BNC2: variants seen among roughly 807,000 people sequenced by gnomAD.
BNC2 encodes zinc finger protein basonuclin-2.
A neutral mutation model predicts 76.3 loss-of-function variants in BNC2; 20 were observed. The ratio of observed to expected loss-of-function variants is 0.26; its 90% CI spans 0.18 to 0.38. The LOEUF is 0.38. Among genes scored for constraint, BNC2 ranks in the 10% least tolerant of loss-of-function variants. BNC2 has a pLI of 1.00. For missense variants in BNC2, 1,382 were observed against 1,399.8 expected, an observed-to-expected ratio of 0.99 and a Z score of 0.20; for synonymous variants, 582 against 514.8, an observed-to-expected ratio of 1.13 and a Z score of -1.77.
chr9:16,494,820 G>A (rs1822352763), intron 5 of BNC2, among the ~76,000 whole-genome samples: 1 of 152,098 alleles, frequency 6.6e-6, no homozygotes, highest in Non-Finnish European at 1.5e-5. Context: ...TCACACAGCA[G>A]GGCCTGTTGT....
intron 1 of BNC2, among the ~76,000 whole-genome samples, chr9:16,816,824 T>C (rs1021988683): frequency 1.3e-5 from 2 of 152,294 alleles, no homozygotes; most frequent in South Asian, 2.1e-4. Context: ...GCACTTTTCT[T>C]ATCCTATAAT....
intron 3 of BNC2, among the ~76,000 whole-genome samples, chr9:16,715,596 C>T (rs1405761016): frequency 6.6e-6 from 1 of 152,322 alleles, no homozygotes. Context: ...GGAGATTTCA[C>T]ATAAAAATCT....
intron 4 of BNC2, chr9:16,580,279 G>T (rs1819597409): frequency 2.5e-6 from 1 of 397,430 alleles, no homozygotes; most frequent in African/African-American, 2.1e-5. Context: ...CATGAATGGG[G>T]AGAGTGTGGG....
At position 16,731,297 on chromosome 9, in the gene BNC2, G is replaced by A. The variant is rs571838367; in HGVS notation, c.130-3300C>T. Among the ~76,000 whole-genome samples, 9 of 152,268 alleles carry A rather than the reference G, an allele frequency of 5.9e-5. No individual in the cohort carries two copies. The South Asian group carries it at 1.7e-3, about 28-fold the overall frequency. ...TTGCTGCTGATTCTGAGTATTTCAG[G>A]TTAAAGAATCAGAAGTACTTAAAGG... is the stretch of plus-strand genomic sequence containing the variant. On this transcript the variant is annotated intron_variant, in intron 2 of 6. Coordinates refer to ENST00000380672, the MANE Select transcript of BNC2 (RefSeq NM_017637.6).
At chr9:16,613,644 G>A (rs1820615448) in intron 3 of BNC2, among the ~76,000 whole-genome samples, 1 of 152,184 alleles carries the variant, frequency 6.6e-6, no homozygotes, top group Admixed American at 6.5e-5. Context: ...GTGACAACAG[G>A]TAAATGTAAG....
At chr9:16,845,126 G>A (rs1343072069) in intron 1 of BNC2, among the ~76,000 whole-genome samples, 1 of 152,188 alleles carries the variant, frequency 6.6e-6, no homozygotes, top group Non-Finnish European at 1.5e-5. Context: ...AACCTTCCCA[G>A]GCACTGCCAG....
At chr9:16,732,179 A>G (rs1413594716) in intron 2 of BNC2, among the ~76,000 whole-genome samples, 1 of 147,440 alleles carries the variant, frequency 6.8e-6, no homozygotes, top group Non-Finnish European at 1.5e-5. Flanking sequence ...AAAAAGAAAC[A>G]AAAAAGAAAA....
intron 5 of BNC2, among the ~76,000 whole-genome samples, chr9:16,485,113 C>G (rs75235572): frequency 8.8e-6 from 1 of 113,166 alleles, no homozygotes; most frequent in East Asian, 4.3e-4. Context: ...CACACACAGA[C>G]ACACACACAC....
At position 16,419,361 on chromosome 9, in the gene BNC2, G is replaced by A. The variant is rs369696892; in HGVS notation, c.2928C>T (p.Ser976=). The change falls in exon 7 of 7, where the codon TCC becomes TCT. Residue 976 remains serine, a synonymous_variant. Coordinates refer to ENST00000380672, the MANE Select transcript of BNC2 (RefSeq NM_017637.6). The stretch of plus-strand genomic sequence containing the variant: ...CGCTGCCTGCGTCGGATTCTCTGGA[G>A]GAATGGATACTGCTGCTGGACTGGA... ...SSLQSSSSIH[S]SRESDAGSDE... The A allele has an allele frequency of 3.7e-6, 6 of 1,608,640 alleles. No homozygotes were observed. The highest frequency in any genetic ancestry group is 5.1e-6 in the Non-Finnish European group (6 of 1,176,748).
chr9:16,544,811 A>C (rs1018564254), intron 5 of BNC2, among the ~76,000 whole-genome samples: 8 of 147,484 alleles, frequency 5.4e-5, no homozygotes, highest in Non-Finnish European at 7.5e-5. Context: ...CTCCACCTCA[A>C]AAAAAAAAAA....
At chr9:16,766,654 A>C (rs1563933375) in intron 1 of BNC2, among the ~76,000 whole-genome samples, 1 of 152,214 alleles carries the variant, frequency 6.6e-6, no homozygotes, top group African/African-American at 2.4e-5. Context: ...CTTGGTCTTT[A>C]CTTCTCCAGA....
At chr9:16,451,623 C>T (rs566382417) in intron 5 of BNC2, among the ~76,000 whole-genome samples, 2 of 152,320 alleles carry the variant, frequency 1.3e-5, no homozygotes, top group East Asian at 1.9e-4. Flanking sequence ...CCTACCTCTG[C>T]ACCCCTCTGC....
At chr9:16,860,341 A>C (rs1424188051) in intron 1 of BNC2, among the ~76,000 whole-genome samples, 1 of 152,152 alleles carries the variant, frequency 6.6e-6, no homozygotes, top group Non-Finnish European at 1.5e-5. Flanking sequence ...GACAGACAGA[A>C]AGATCAATGG....
At chr9:16,560,856 A>T (rs7858025) in intron 4 of BNC2, among the ~76,000 whole-genome samples, 29,387 of 152,230 alleles carry the variant, frequency 0.19, 5,092 homozygotes, top group African/African-American at 0.46. Context: ...GCAGGAACAA[A>T]AGCTGGTGAA....
At chr9:16,723,508 G>A (rs1205428183) in intron 3 of BNC2, among the ~76,000 whole-genome samples, 1 of 151,098 alleles carries the variant, frequency 6.6e-6, no homozygotes, top group Non-Finnish European at 1.5e-5. Context: ...AATTGGGGGG[G>A]GGGACAAAAA....
At chr9:16,509,199 C>T (rs1398457844) in intron 5 of BNC2, among the ~76,000 whole-genome samples, 1 of 152,180 alleles carries the variant, frequency 6.6e-6, no homozygotes, top group Non-Finnish European at 1.5e-5. Flanking sequence ...AGGCACAAGT[C>T]TCACCTTCTC....
intron 1 of BNC2, among the ~76,000 whole-genome samples, chr9:16,766,006 C>G (rs1229859419): frequency 2.6e-5 from 4 of 152,106 alleles, no homozygotes; most frequent in South Asian, 2.1e-4. Flanking sequence ...CCAGGATGTT[C>G]TCGATCTCCT....
intron 3 of BNC2, among the ~76,000 whole-genome samples, chr9:16,688,130 A>G (rs1587317021): frequency 2.0e-5 from 3 of 152,274 alleles, no homozygotes; most frequent in African/African-American, 7.2e-5. Context: ...AGTTCACTGA[A>G]CGGTTCATGG....
At chr9:16,866,663 T>TAAAAA (rs55953726) in intron 1 of BNC2, among the ~76,000 whole-genome samples, 1 of 96,812 alleles carries the variant, frequency 1.0e-5, no homozygotes, top group Admixed American at 1.0e-4. Flanking sequence ...CTGTCACTTT[T>TAAAAA]AAAAAAAAAA....
Sources: allele counts gnomAD v4.1 joint callset (sites outside exome capture counted in the v4.1 genomes callset), GRCh38; gene constraint gnomAD v4.1.1; transcripts MANE v1.5; gene names NCBI Gene and HGNC (gene_info 2026-07-23, HGNC 2026-07-21).